CDKN2B-AS1: variants seen among roughly 807,000 people sequenced by gnomAD.
CDKN2B-AS1 encodes the protein CDKN2B and CDKN2A antisense cis and trans regulatory RNA 1, also known as CDKN2B antisense RNA 1 (non-protein coding).
rs1188669195 is a variant in CDKN2B-AS1 at position 22,005,858 on chromosome 9, C to G, written n.29+10697C>G. ...CGGTCGGCTCCTCCTTCCTGTGAGT[C>G]TCAGACAGGCTTGCAGGCTTACAGG... On this transcript the variant is annotated intron_variant and non_coding_transcript_variant, in intron 1 of 4. Transcript: ENST00000650946. The surrounding 1 kb of genome is among the most constrained non-coding windows in gnomAD (Gnocchi z 4.9). 2.3e-6 allele frequency: 3 copies of G among 1,303,932 alleles called. No individual in the cohort carries two copies. The highest frequency in any genetic ancestry group is 2.1e-6 in the Non-Finnish European group (2 of 939,934). 80.8% of individuals were successfully genotyped at this position (1,303,932 alleles called of 1,614,324 possible). A position where few individuals can be genotyped will look rare whatever the true frequency, so the allele number is the denominator to read the frequency against.
At chr9:22,042,793 G>A (rs1053278308) in intron 1 of CDKN2B-AS1, among the ~76,000 whole-genome samples, 5 of 152,068 alleles carry the variant, frequency 3.3e-5, no homozygotes, top group African/African-American at 9.7e-5. Context: ...AAAACCTTGC[G>A]TTCCTGCAAA....
intron 4 of CDKN2B-AS1, among the ~76,000 whole-genome samples, chr9:22,124,050 C>G (rs921079616): frequency 6.6e-6 from 1 of 152,110 alleles, no homozygotes; most frequent in African/African-American, 2.4e-5. Context: ...ATACACCAAA[C>G]TGATGAATAT....
At chr9:22,088,165 A>G (rs1366249784) in intron 4 of CDKN2B-AS1, among the ~76,000 whole-genome samples, 1 of 152,314 alleles carries the variant, frequency 6.6e-6, no homozygotes, top group Non-Finnish European at 1.5e-5. Context: ...CAAACAATAC[A>G]TACTGGAGTG....
At chr9:22,011,692 G>A (rs1309353218) in intron 1 of CDKN2B-AS1, among the ~76,000 whole-genome samples, 1 of 152,152 alleles carries the variant, frequency 6.6e-6, no homozygotes, top group Non-Finnish European at 1.5e-5. Context: ...ACCCTTACCA[G>A]ACTTCAAAGA....
chr9:22,068,315 C>T (rs996017941), intron 4 of CDKN2B-AS1, among the ~76,000 whole-genome samples: 19 of 152,084 alleles, frequency 1.2e-4, no homozygotes, highest in African/African-American at 4.6e-4. Context: ...ATATAATGTC[C>T]AGTCTGATAA....
Position 22,084,573 on chromosome 9 carries a change from G to A in CDKN2B-AS1, n.438+28186G>A, listed in dbSNP as rs907694519. Among the ~76,000 whole-genome samples, 15 of 152,220 alleles carry A rather than the reference G, an allele frequency of 9.9e-5. No individual in the cohort carries two copies. The East Asian group carries it at 2.9e-3, about 29-fold the overall frequency. ...TCTCAGAGAAAGGGGGTGGGCAGGG[G>A]TGTGATATGGGTTTTTGTCTCTGGG... is the stretch of plus-strand genomic sequence containing the variant. On this transcript the variant is annotated intron_variant and non_coding_transcript_variant, in intron 4 of 4. Transcript: ENST00000650946.
At chr9:22,114,183 C>T (rs1049772016) in intron 4 of CDKN2B-AS1, among the ~76,000 whole-genome samples, 1 of 152,218 alleles carries the variant, frequency 6.6e-6, no homozygotes, top group African/African-American at 2.4e-5. Context: ...GTCACAGCCA[C>T]TTCTGTCATG....
chr9:22,034,490 A>G (rs546759273), intron 1 of CDKN2B-AS1, among the ~76,000 whole-genome samples: 8 of 152,322 alleles, frequency 5.3e-5, no homozygotes, highest in African/African-American at 1.9e-4. Flanking sequence ...AATAAAATTC[A>G]AATTCTTGTA....
chr9:22,054,153 G>A (rs897970924), intron 3 of CDKN2B-AS1, among the ~76,000 whole-genome samples: 1 of 152,166 alleles, frequency 6.6e-6, no homozygotes, highest in Non-Finnish European at 1.5e-5. Flanking sequence ...ACAATCCTGT[G>A]AGATAGGTAC....
At chr9:22,012,709 T>C (rs943271712) in intron 1 of CDKN2B-AS1, among the ~76,000 whole-genome samples, 3 of 152,168 alleles carry the variant, frequency 2.0e-5, no homozygotes, top group Admixed American at 6.5e-5. Flanking sequence ...CTTTTGCATA[T>C]GATTAGGACT....
At chr9:22,035,626 A>G (rs1364164305) in intron 1 of CDKN2B-AS1, among the ~76,000 whole-genome samples, 1 of 152,122 alleles carries the variant, frequency 6.6e-6, no homozygotes, top group Non-Finnish European at 1.5e-5. Context: ...TGGCACCAAT[A>G]TATTGGCTGC....
At chr9:22,111,826 G>A (rs933764206) in intron 4 of CDKN2B-AS1, among the ~76,000 whole-genome samples, 1 of 152,178 alleles carries the variant, frequency 6.6e-6, no homozygotes, top group Non-Finnish European at 1.5e-5. Context: ...AATCAAGATA[G>A]CATTAAAAAT....
chr9:22,044,524 T>C (rs1170001749), intron 1 of CDKN2B-AS1, among the ~76,000 whole-genome samples: 6 of 152,042 alleles, frequency 3.9e-5, no homozygotes. Context: ...TATAGTACAG[T>C]GATTCTGTAA....
At position 22,072,883 on chromosome 9, in the gene CDKN2B-AS1, A is replaced by C. The variant is rs949681330; in HGVS notation, n.438+16496A>C. ...AAGCTCTCCAGACTTCTATTTCTTC[A>C]TGTTTAAATCGGGAATAATATTCCT... On this transcript the variant is annotated intron_variant and non_coding_transcript_variant, in intron 4 of 4. Coordinates refer to ENST00000650946, the Ensembl canonical transcript of CDKN2B-AS1. 2.0e-5 allele frequency among the ~76,000 whole-genome samples: 3 copies of C among 152,262 alleles called. No individual in the cohort carries two copies. In the East Asian group the frequency reaches 5.8e-4, roughly 29 times the overall value.
rs1009220814 is a variant in CDKN2B-AS1 at position 21,996,741 on chromosome 9, G to A, written n.29+1580G>A. ...TTAGGTTTTCTGTCCCACAGAGGAA[G>A]GGCGCTTTAGAAAGGGTTAGTTCAT... On this transcript the variant is annotated intron_variant and non_coding_transcript_variant, in intron 1 of 4. Coordinates refer to ENST00000650946, the Ensembl canonical transcript of CDKN2B-AS1. The surrounding 1 kb of genome is among the most constrained non-coding windows in gnomAD (Gnocchi z 5.4). Among the ~76,000 whole-genome samples the A allele has an allele frequency of 2.6e-5, 4 of 152,318 alleles. No individual in the cohort carries two copies. The highest frequency in any genetic ancestry group is 9.6e-5 in the African/African-American group (4 of 41,568).
At chr9:22,046,926 G>A (rs1823133680) in intron 2 of CDKN2B-AS1, 1 of 152,132 alleles carries the variant, frequency 6.6e-6, no homozygotes, top group Non-Finnish European at 1.5e-5. Context: ...GAAAGAGAAT[G>A]GAGATTCTTT....
intron 1 of CDKN2B-AS1, among the ~76,000 whole-genome samples, chr9:22,026,142 T>C (rs1822228467): frequency 6.6e-6 from 1 of 151,290 alleles, no homozygotes; most frequent in Admixed American, 6.6e-5. Flanking sequence ...AGCTGTTCTG[T>C]GCTGGGGTTC....
At chr9:22,120,846 T>C (rs1441838907) in intron 4 of CDKN2B-AS1, 1 of 152,080 alleles carries the variant, frequency 6.6e-6, no homozygotes, top group African/African-American at 2.4e-5. Context: ...ATGTAATGCT[T>C]ACCTAGTGCC....
chr9:22,113,293 T>G (rs1215165418), intron 4 of CDKN2B-AS1, among the ~76,000 whole-genome samples: 3 of 152,202 alleles, frequency 2.0e-5, no homozygotes, highest in Non-Finnish European at 4.4e-5. Context: ...CCCCTCCATC[T>G]TCAGGCCAGC....
Sources: gnomAD v4.1 joint callset for allele counts (sites outside exome capture counted in the v4.1 genomes callset) on GRCh38, gnomAD v4.1.1 for gene constraint, Gnocchi (gnomAD v3.1) non-coding constraint, MANE v1.5 for transcripts, NCBI Gene and HGNC (gene_info 2026-07-23, HGNC 2026-07-21) for gene names.